Variants in CFAP299 observed in about 807,000 individuals in gnomAD.
CFAP299 encodes the protein cilia and flagella associated protein 299, also known as cilia- and flagella-associated protein 299.
A neutral mutation model predicts 27.0 loss-of-function variants in CFAP299; 21 were observed. That is an observed-to-expected ratio of 0.78 (90% CI 0.55 to 1.12). The LOEUF is 1.12. Ranked by LOEUF, CFAP299 falls within the 50% of genes most tolerant of loss-of-function variation. CFAP299 has a pLI of 0.00. For missense variants in CFAP299, 310 were observed against 276.6 expected (o/e 1.12, Z -0.86); for synonymous variants, 104 against 98.1 (o/e 1.06, Z -0.36).
At chr4:80,355,963 G>C (rs1723255108) in intron 1 of CFAP299, among the ~76,000 whole-genome samples, 1 of 152,134 alleles carries the variant, frequency 6.6e-6, no homozygotes, top group Admixed American at 6.5e-5. Context: ...GGTTGTTATA[G>C]TTTTGGGTTT....
chr4:80,645,578 G>A lies in CFAP299; in HGVS notation c.333+62395G>A, dbSNP rs140758909. On this transcript the variant is annotated intron_variant, in intron 3 of 5. Transcript: ENST00000358105. ...ATAAACACACACATATTTACCCTAG[G>A]ACAGTGACTAGCACGTTCAGTGCTC... Among the ~76,000 whole-genome samples the A allele has an allele frequency of 5.8e-4, 88 of 152,160 alleles. No individual in the cohort carries two copies. The East Asian group carries it at 0.013, about 23-fold the overall frequency.
intron 3 of CFAP299, among the ~76,000 whole-genome samples, chr4:80,835,319 T>C (rs991088154): frequency 1.3e-5 from 2 of 151,960 alleles, no homozygotes; most frequent in Non-Finnish European, 2.9e-5. Flanking sequence ...AGGGTGGTCT[T>C]GATCTCCTGA....
At chr4:80,502,486 C>T (rs1457264530) in intron 2 of CFAP299, among the ~76,000 whole-genome samples, 1 of 151,964 alleles carries the variant, frequency 6.6e-6, no homozygotes, top group African/African-American at 2.4e-5. Context: ...TAGAAACAGG[C>T]AAATAAGAAA....
chr4:80,628,853 C>G (rs2109942708), intron 3 of CFAP299, among the ~76,000 whole-genome samples: 1 of 152,244 alleles, frequency 6.6e-6, no homozygotes, highest in Admixed American at 6.5e-5. Flanking sequence ...AAAGGGAACC[C>G]TTGCACGCTG....
At chr4:80,822,343 C>T (rs1035148951) in intron 3 of CFAP299, among the ~76,000 whole-genome samples, 5 of 151,898 alleles carry the variant, frequency 3.3e-5, no homozygotes, top group African/African-American at 7.3e-5. Flanking sequence ...CATGAATTCA[C>T]GTTTGAAATA....
chr4:80,388,242 G>A (rs1162067985), intron 2 of CFAP299: 44 of 692,048 alleles, frequency 6.4e-5, no homozygotes, highest in East Asian at 3.2e-4. Flanking sequence ...TGCACAGGTC[G>A]CGGGCCCTAG....
chr4:80,476,096 A>G (rs1272848252), intron 2 of CFAP299, among the ~76,000 whole-genome samples: 2 of 152,184 alleles, frequency 1.3e-5, no homozygotes, highest in Non-Finnish European at 2.9e-5. Context: ...TAAGAGTGAA[A>G]AAGGAGTTCT....
At chr4:80,551,720 T>C (rs1023971639) in intron 2 of CFAP299, among the ~76,000 whole-genome samples, 2 of 152,054 alleles carry the variant, frequency 1.3e-5, no homozygotes, top group Non-Finnish European at 2.9e-5. Context: ...AATTTTTGTG[T>C]ATAAAAGCTT....
At chr4:80,871,390 C>T in intron 4 of CFAP299, 1 of 985,410 alleles carries the variant, frequency 1.0e-6, no homozygotes, top group African/African-American at 1.7e-5. Flanking sequence ...AGCTACCCCA[C>T]TGGGTACTGC....
intron 2 of CFAP299, among the ~76,000 whole-genome samples, chr4:80,567,159 T>C (rs1735342438): frequency 6.6e-6 from 1 of 152,026 alleles, no homozygotes; most frequent in African/African-American, 2.4e-5. Flanking sequence ...CATGTTAACA[T>C]TTCTTGACTT....
intron 3 of CFAP299, among the ~76,000 whole-genome samples, chr4:80,778,104 A>G (rs545029289): frequency 3.2e-4 from 49 of 152,262 alleles, no homozygotes; most frequent in Non-Finnish European, 6.6e-4. Context: ...TTCCTCAGAG[A>G]CATGAAAAGT....
intron 5 of CFAP299, among the ~76,000 whole-genome samples, chr4:80,948,512 A>G (rs955704462): frequency 2.6e-5 from 4 of 152,070 alleles, no homozygotes; most frequent in Non-Finnish European, 4.4e-5. Flanking sequence ...TCTGTCCAAT[A>G]TATTATTTGG....
chr4:80,414,064 C>CT (rs1170153950), intron 2 of CFAP299, among the ~76,000 whole-genome samples: 1,245 of 62,376 alleles, frequency 0.02, 37 homozygotes, highest in African/African-American at 0.059. Flanking sequence ...ATGGGTATTT[C>CT]TTTTTTTTTT....
intron 3 of CFAP299, among the ~76,000 whole-genome samples, chr4:80,856,605 T>G (rs2110153549): frequency 6.6e-6 from 1 of 152,122 alleles, no homozygotes; most frequent in Non-Finnish European, 1.5e-5. Flanking sequence ...GGGATCGAGT[T>G]TCAGCTTTCT....
intron 5 of CFAP299, among the ~76,000 whole-genome samples, chr4:80,950,000 T>A (rs141815452): frequency 6.6e-6 from 1 of 152,292 alleles, no homozygotes; most frequent in Non-Finnish European, 1.5e-5. Flanking sequence ...GAGGTCCTGC[T>A]ATAGTTGGCA....
At chr4:80,567,731 T>A (rs867494458) in intron 2 of CFAP299, among the ~76,000 whole-genome samples, 1 of 148,830 alleles carries the variant, frequency 6.7e-6, no homozygotes, top group African/African-American at 2.5e-5. Flanking sequence ...TCTAATGTAT[T>A]TATATATATA....
At chr4:80,528,617 C>A (rs1246742660) in intron 2 of CFAP299, among the ~76,000 whole-genome samples, 1 of 152,140 alleles carries the variant, frequency 6.6e-6, no homozygotes, top group African/African-American at 2.4e-5. Context: ...CAAATTGCTA[C>A]CAATTTCTAA....
intron 3 of CFAP299, among the ~76,000 whole-genome samples, chr4:80,809,608 C>T (rs1729038631): frequency 6.6e-6 from 1 of 152,102 alleles, no homozygotes; most frequent in Admixed American, 6.6e-5. Flanking sequence ...CTTTTTGCTG[C>T]AGAAGCCTCA....
intron 2 of CFAP299, among the ~76,000 whole-genome samples, chr4:80,561,662 A>T (rs1735040587): frequency 6.6e-6 from 1 of 152,044 alleles, no homozygotes; most frequent in Non-Finnish European, 1.5e-5. Context: ...TGTGACTGTC[A>T]TACTGAAGAA....
Sources: allele counts gnomAD v4.1 joint callset (sites outside exome capture counted in the v4.1 genomes callset), GRCh38; gene constraint gnomAD v4.1.1; transcripts MANE v1.5; gene names NCBI Gene and HGNC (gene_info 2026-07-23, HGNC 2026-07-21).